ADAMTSL1: variants seen among roughly 807,000 people sequenced by gnomAD.
ADAMTSL1 encodes the protein ADAMTS-like protein 1.
ADAMTSL1 carries 126 observed loss-of-function variants against 201.8 expected under a neutral mutation model. The ratio of observed to expected loss-of-function variants is 0.62; its 90% CI spans 0.54 to 0.72. The LOEUF is 0.72. Ranked by LOEUF, ADAMTSL1 falls within the 30% of genes least tolerant of loss-of-function variation. ADAMTSL1 has a pLI of 0.00. For synonymous variants in ADAMTSL1, 1,121 were observed against 903.4 expected (o/e 1.24, Z -4.32); for missense variants, 2,679 against 2,277.8 (o/e 1.18, Z -3.59).
At chr9:18,389,110 G>C (rs1837936030) in intron 2 of ADAMTSL1, among the ~76,000 whole-genome samples, 1 of 151,552 alleles carries the variant, frequency 6.6e-6, no homozygotes, top group South Asian at 2.1e-4. Flanking sequence ...TAAAATTTGT[G>C]AATATTTCTA....
intron 2 of ADAMTSL1, among the ~76,000 whole-genome samples, chr9:18,408,990 A>G (rs1563940962): frequency 6.6e-6 from 1 of 152,136 alleles, no homozygotes; most frequent in East Asian, 1.9e-4. Context: ...ACACCTGAAG[A>G]TTTTTTTCCT....
chr9:18,223,781 T>G (rs1227965725), intron 2 of ADAMTSL1, among the ~76,000 whole-genome samples: 1 of 152,056 alleles, frequency 6.6e-6, no homozygotes, highest in African/African-American at 2.4e-5. Context: ...CTCTCACCCA[T>G]GGTAGCTTGT....
chr9:18,151,169 A>T (rs546819540), intron 1 of ADAMTSL1, among the ~76,000 whole-genome samples: 1 of 152,090 alleles, frequency 6.6e-6, no homozygotes, highest in Non-Finnish European at 1.5e-5. Context: ...ACCTTAATGC[A>T]TGATCAAAGA....
At chr9:17,922,530 C>T (rs1218684845) in intron 1 of ADAMTSL1, among the ~76,000 whole-genome samples, 1 of 152,090 alleles carries the variant, frequency 6.6e-6, no homozygotes, top group Non-Finnish European at 1.5e-5. Context: ...CCCCTCCATT[C>T]CCACCCTTCC....
chr9:18,327,740 G>C (rs1232739298), intron 2 of ADAMTSL1, among the ~76,000 whole-genome samples: 1 of 152,094 alleles, frequency 6.6e-6, no homozygotes, highest in Non-Finnish European at 1.5e-5. Flanking sequence ...GATTATAAAA[G>C]GTCTTGACTG....
chr9:18,304,243 T>C (rs73428949), intron 2 of ADAMTSL1, among the ~76,000 whole-genome samples: 10,379 of 152,060 alleles, frequency 0.068, 1,132 homozygotes, highest in African/African-American at 0.23. Context: ...ATCTTTGAAG[T>C]GACGGTGGCA....
chr9:18,662,341 C>G (rs1017412197), intron 9 of ADAMTSL1, among the ~76,000 whole-genome samples: 1 of 152,138 alleles, frequency 6.6e-6, no homozygotes, highest in African/African-American at 2.4e-5. Flanking sequence ...TTCTGATTTC[C>G]TTTCATTCTG....
chr9:18,032,957 G>A (rs1299942564), intron 1 of ADAMTSL1, among the ~76,000 whole-genome samples: 1 of 152,054 alleles, frequency 6.6e-6, no homozygotes, highest in East Asian at 1.9e-4. Flanking sequence ...GACTTTAGCT[G>A]TTTTCTGTCA....
chr9:18,260,809 T>C (rs1427302857), intron 2 of ADAMTSL1, among the ~76,000 whole-genome samples: 2 of 151,938 alleles, frequency 1.3e-5, no homozygotes, highest in Non-Finnish European at 2.9e-5. Flanking sequence ...CCAAATCCCA[T>C]ATATTTAAAA....
chr9:18,770,736 G>A lies in ADAMTSL1; in HGVS notation c.2352G>A (p.Lys784=), dbSNP rs755413016. 1 of 1,613,920 alleles carries A rather than the reference G, an allele frequency of 6.2e-7. No homozygotes were observed. Among genetic ancestry groups the A allele is most frequent in the Admixed American group, 1.7e-5 (1 of 59,994 alleles). ...AACCTGCCTGCCAGCAAGCATGCAA[G>A]AAAGATGACTGTCCCAGCGAGTGGC... ...ASKPACQQAC[K]KDDCPSEWLL... The change falls in exon 17 of 29, where the codon AAG becomes AAA. Residue 784 remains lysine, a synonymous_variant. Coordinates refer to ENST00000380548, the MANE Select transcript of ADAMTSL1 (RefSeq NM_001040272.6).
intron 2 of ADAMTSL1, among the ~76,000 whole-genome samples, chr9:18,219,161 C>T (rs926380839): frequency 6.6e-6 from 1 of 151,792 alleles, no homozygotes; most frequent in East Asian, 1.9e-4. Flanking sequence ...TATTATTACT[C>T]TTTTCAAACT....
chr9:18,587,829 A>C (rs1823613227), intron 4 of ADAMTSL1, among the ~76,000 whole-genome samples: 2 of 152,196 alleles, frequency 1.3e-5, no homozygotes, highest in African/African-American at 4.8e-5. Context: ...ATGACTGAAT[A>C]ATATTCCATT....
intron 4 of ADAMTSL1, among the ~76,000 whole-genome samples, chr9:18,608,522 G>A (rs778761980): frequency 9.2e-5 from 14 of 152,098 alleles, no homozygotes; most frequent in Non-Finnish European, 1.2e-4. Context: ...TCATCTCAGC[G>A]CCTTTGAGTG....
At chr9:17,975,430 C>G in intron 1 of ADAMTSL1, among the ~76,000 whole-genome samples, 1 of 152,000 alleles carries the variant, frequency 6.6e-6, no homozygotes, top group Non-Finnish European at 1.5e-5. Flanking sequence ...ATGTCATCTT[C>G]TAGCTGTGTC....
intron 1 of ADAMTSL1, among the ~76,000 whole-genome samples, chr9:18,044,730 A>G (rs1821585831): frequency 6.6e-6 from 1 of 152,082 alleles, no homozygotes; most frequent in Admixed American, 6.6e-5. Context: ...GCACTTGCAA[A>G]TATTATTTAG....
intron 2 of ADAMTSL1, among the ~76,000 whole-genome samples, chr9:18,381,835 C>A (rs565511178): frequency 6.6e-6 from 1 of 151,598 alleles, no homozygotes; most frequent in African/African-American, 2.4e-5. Flanking sequence ...ACTATCTCAC[C>A]GTCATCAGTA....
intron 2 of ADAMTSL1, among the ~76,000 whole-genome samples, chr9:18,173,880 G>A (rs1037200846): frequency 2.0e-5 from 3 of 152,114 alleles, no homozygotes; most frequent in African/African-American, 4.8e-5. Flanking sequence ...TGAAATTTCG[G>A]TTTTACAGAA....
chr9:18,710,026 G>C (rs1832463905), intron 14 of ADAMTSL1, among the ~76,000 whole-genome samples: 1 of 152,180 alleles, frequency 6.6e-6, no homozygotes, highest in Non-Finnish European at 1.5e-5. Context: ...TTTGGAAAGA[G>C]CACAAACTTG....
rs148899095 is a variant in ADAMTSL1, at chr9:18,077,889, A to C, written c.88-85973A>C. Among the ~76,000 whole-genome samples, 192 of 152,290 alleles carry C rather than the reference A, an allele frequency of 1.3e-3. 1 individual carries two copies. Among genetic ancestry groups the C allele is most frequent in the African/African-American group, 4.3e-3 (177 of 41,564 alleles). On this transcript the variant is annotated intron_variant, in intron 1 of 29. Coordinates refer to the ADAMTSL1 transcript ENST00000680146. ...AGGAGTTGTCTTTGGATGTAAGAGA[A>C]GAAGATGCAGCCCATTTAGGAAGTT...
Sources: allele counts gnomAD v4.1 joint callset (sites outside exome capture counted in the v4.1 genomes callset), GRCh38; gene constraint gnomAD v4.1.1; transcripts MANE v1.5; gene names NCBI Gene and HGNC (gene_info 2026-07-23, HGNC 2026-07-21).